Variants in EPAS1 observed in about 807,000 individuals in gnomAD.
The protein encoded by EPAS1 is endothelial PAS domain-containing protein 1.
EPAS1 carries 23 observed loss-of-function variants against 87.9 expected under a neutral mutation model. That is an observed-to-expected ratio of 0.26 (90% CI 0.19 to 0.37). The LOEUF is 0.37. Ranked by LOEUF, EPAS1 falls within the 10% of genes least tolerant of loss-of-function variation. The pLI, the probability that EPAS1 is intolerant of heterozygous loss-of-function variation, is 1.00. For synonymous variants in EPAS1, 508 were observed against 444.3 expected, an observed-to-expected ratio of 1.14 and a Z score of -1.80; for missense variants, 1,138 against 1,120.7, an observed-to-expected ratio of 1.02 and a Z score of -0.22.
At chr2:46,314,335 C>G (rs958446145) in intron 1 of EPAS1, among the ~76,000 whole-genome samples, 1 of 152,224 alleles carries the variant, frequency 6.6e-6, no homozygotes, top group Non-Finnish European at 1.5e-5. Flanking sequence ...GTCGGTGTCA[C>G]TCTCTACATG....
chr2:46,382,107 G>T lies in EPAS1; in HGVS notation c.2287+18G>T. The T allele has an allele frequency of 6.2e-7, 1 of 1,610,374 alleles. No individual in the cohort carries two copies. Among genetic ancestry groups the T allele is most frequent in the Non-Finnish European group, 8.5e-7 (1 of 1,177,822 alleles). ...ACCCAATGGTGAGCAGCGGCCACAG[G>T]CCTGGGCCTCCTGGGGGTTCTGGTG... On this transcript the variant is annotated intron_variant, in intron 14 of 15. Transcript: ENST00000263734.
intron 1 of EPAS1, among the ~76,000 whole-genome samples, chr2:46,329,650 C>G (rs907370667): frequency 3.9e-5 from 6 of 152,102 alleles, no homozygotes; most frequent in African/African-American, 9.7e-5. Context: ...AGTGAAACCC[C>G]GTCTCTACTA....
At position 46,353,659 on chromosome 2, in the gene EPAS1, T is replaced by C. The variant is rs116386732; in HGVS notation, c.218-2492T>C. Among the ~76,000 whole-genome samples the C allele has an allele frequency of 6.8e-3, 1,037 of 152,328 alleles. 11 individuals carry two copies. The highest frequency in any genetic ancestry group is 0.024 in the African/African-American group (982 of 41,566). On this transcript the variant is annotated intron_variant, in intron 2 of 15. Transcript: ENST00000263734. The stretch of plus-strand genomic sequence containing the variant: ...TAGCTGGGAAAGCTAACATTCACAG[T>C]GGCATCGCCCACACCTGGGACATTG...
At chr2:46,297,969 G>T in intron 1 of EPAS1, 32 bp downstream of exon 1, 1 of 1,610,338 alleles carries the variant, frequency 6.2e-7, no homozygotes, top group Non-Finnish European at 8.5e-7. Flanking sequence ...TCAGGGGGCC[G>T]GTCCGAGGCC....
intron 1 of EPAS1, among the ~76,000 whole-genome samples, chr2:46,341,189 C>T (rs1371073184): frequency 1.3e-5 from 2 of 152,198 alleles, no homozygotes; most frequent in Non-Finnish European, 2.9e-5. Flanking sequence ...CCCTCACAGC[C>T]AAGACCATTC....
chr2:46,382,887 A>C (rs1415783305), intron 15 of EPAS1, among the ~76,000 whole-genome samples: 1 of 152,222 alleles, frequency 6.6e-6, no homozygotes, highest in Non-Finnish European at 1.5e-5. Flanking sequence ...CTGCCCAAAG[A>C]GGACTGAACA....
At chr2:46,381,782 C>T in intron 13 of EPAS1, 60 bp downstream of exon 13, 2 of 1,607,902 alleles carry the variant, frequency 1.2e-6, no homozygotes, top group Non-Finnish European at 1.7e-6. Context: ...CCCAGGGCTG[C>T]TGAGAGGGGT....
chr2:46,344,239 A>C (rs1359018327), intron 1 of EPAS1, among the ~76,000 whole-genome samples: 1 of 151,928 alleles, frequency 6.6e-6, no homozygotes, highest in Non-Finnish European at 1.5e-5. Flanking sequence ...CAGAGCATTG[A>C]CTCCAGATTG....
In EPAS1 at chr2:46,380,319, G is replaced by A. The variant is rs954233255; in HGVS notation, c.1647G>A (p.Glu549=). The A allele has an allele frequency of 6.2e-7, 1 of 1,614,024 alleles. No individual in the cohort carries two copies. Among genetic ancestry groups the A allele is most frequent in the Non-Finnish European group, 8.5e-7 (1 of 1,180,016 alleles). ...AGCTAAGCCCCATCTGCCCCGAGGA[G>A]CGGCTCTTGGCGGAGAACCCACAGT... ...DFQLSPICPE[E]RLLAENPQST... The change falls in exon 12 of 16, where the codon GAG becomes GAA. Residue 549 remains glutamate, a synonymous_variant. Coordinates refer to ENST00000263734, the MANE Select transcript of EPAS1 (RefSeq NM_001430.5). This position sits in a 1 kb window ranked among gnomAD's most constrained non-coding sequence, Gnocchi z 4.4.
At chr2:46,341,736 A>G (rs2104867229) in intron 1 of EPAS1, among the ~76,000 whole-genome samples, 1 of 152,292 alleles carries the variant, frequency 6.6e-6, no homozygotes, top group Middle Eastern at 3.4e-3. Context: ...ACAGGCCTGG[A>G]AATCTATGTT....
At chr2:46,313,487 C>G (rs1683252566) in intron 1 of EPAS1, among the ~76,000 whole-genome samples, 2 of 151,942 alleles carry the variant, frequency 1.3e-5, no homozygotes, top group Non-Finnish European at 2.9e-5. Context: ...GTGTCTCACT[C>G]TGTCGCCAGG....
At chr2:46,382,124 G>T (rs564317967) in intron 14 of EPAS1, 35 bp downstream of exon 14, 1 of 1,596,532 alleles carries the variant, frequency 6.3e-7, no homozygotes, top group East Asian at 2.2e-5. Flanking sequence ...CCTCCTGGGG[G>T]TTCTGGTGGA....
At chr2:46,309,406 A>G (rs1164045925) in intron 1 of EPAS1, among the ~76,000 whole-genome samples, 1 of 152,252 alleles carries the variant, frequency 6.6e-6, no homozygotes, top group Non-Finnish European at 1.5e-5. Flanking sequence ...TGCCTTTACA[A>G]TGTTGCCATC....
chr2:46,324,270 C>T (rs532235355), intron 1 of EPAS1, among the ~76,000 whole-genome samples: 2 of 152,250 alleles, frequency 1.3e-5, no homozygotes, highest in African/African-American at 2.4e-5. Flanking sequence ...AGTTTCACCA[C>T]GTTAGCCAGG....
At position 46,382,488 on chromosome 2, in the gene EPAS1, A is replaced by G. The variant is rs756889148; in HGVS notation, c.2351A>G (p.Gln784Arg). The G allele has an allele frequency of 3.7e-6, 6 of 1,614,016 alleles. No individual in the cohort carries two copies. The highest frequency in any genetic ancestry group is 5.1e-6 in the Non-Finnish European group (6 of 1,180,032). Residue 784 changes from glutamine (Q) to arginine (R), a missense_variant, in exon 15 of 16, where the codon CAG becomes CGG. Physicochemically the swap from Gln to Arg is conservative, Grantham distance 43. Around this residue, in one of 4 missense-constraint regions of EPAS1, gnomAD observed 502 missense variants for 427.1 expected, o/e 1.18. Coordinates refer to ENST00000263734, the MANE Select transcript of EPAS1 (RefSeq NM_001430.5). ...GHPLRHLPLPQPPSAISPGEN... is the reference protein window; with the variant it reads ...GHPLRHLPLPRPPSAISPGEN... ...CCCCTGAGACATCTGCCGCTGCCACAGCCTCCATCTGCCATCAGTCCCGGG... is the reference window on the plus strand; with the variant it reads ...CCCCTGAGACATCTGCCGCTGCCACGGCCTCCATCTGCCATCAGTCCCGGG...
intron 1 of EPAS1, among the ~76,000 whole-genome samples, chr2:46,321,026 A>G (rs1683445864): frequency 6.6e-6 from 1 of 152,254 alleles, no homozygotes; most frequent in Admixed American, 6.5e-5. Context: ...TACTCATTAA[A>G]TAATAACTCT....
At chr2:46,323,962 C>T (rs1049149763) in intron 1 of EPAS1, among the ~76,000 whole-genome samples, 8 of 152,234 alleles carry the variant, frequency 5.3e-5, no homozygotes, top group African/African-American at 1.9e-4. Flanking sequence ...GGTCTCACCA[C>T]CAACAACAAA....
intron 1 of EPAS1, among the ~76,000 whole-genome samples, chr2:46,318,650 G>A (rs1490749045): frequency 3.3e-5 from 5 of 152,120 alleles, no homozygotes; most frequent in African/African-American, 9.7e-5. Context: ...CTTCTTTCCC[G>A]TAAGCTCTGT....
rs2103667619 is a variant in EPAS1 at position 46,378,035 on chromosome 2, C to T, written c.1391C>T (p.Ala464Val). ...GCCTTCACCGTGCCCCAGGCAGCTGCCCCGGGCAGCACCACCCCCAGTGCC... is the reference window on the plus strand; with the variant it reads ...GCCTTCACCGTGCCCCAGGCAGCTGTCCCGGGCAGCACCACCCCCAGTGCC... Reference protein sequence around the residue: ...LPAFTVPQAAAPGSTTPSATS... With the variant: ...LPAFTVPQAAVPGSTTPSATS... The change falls in exon 10 of 16, where the codon GCC becomes GTC. Residue 464 changes from alanine to valine, a missense_variant. Coordinates refer to ENST00000263734, the MANE Select transcript of EPAS1 (RefSeq NM_001430.5). 6.2e-7 allele frequency: 1 copy of T among 1,605,404 alleles called. No homozygotes were observed. The highest frequency in any genetic ancestry group is 8.5e-7 in the Non-Finnish European group (1 of 1,176,980).
Sources: gnomAD v4.1 joint callset for allele counts (sites outside exome capture counted in the v4.1 genomes callset) on GRCh38, gnomAD v4.1.1 for gene constraint, gnomAD v4.1.1 regional missense constraint, Gnocchi (gnomAD v3.1) non-coding constraint, MANE v1.5 for transcripts, NCBI Gene and HGNC (gene_info 2026-07-23, HGNC 2026-07-21) for gene names.